The following ARMH4 variants were observed in gnomAD, a reference collection of about 807,000 sequenced individuals.
ARMH4 encodes armadillo like helical domain containing 4.
ARMH4 carries 49 observed loss-of-function variants against 61.9 expected under a neutral mutation model. That is an observed-to-expected ratio of 0.79 (90% CI 0.63 to 1.00). The LOEUF is 1.00. Ranked by LOEUF, ARMH4 falls within the 50% of genes least tolerant of loss-of-function variation. ARMH4 has a pLI of 0.00. For synonymous variants in ARMH4, 368 were observed against 341.5 expected, an observed-to-expected ratio of 1.08 and a Z score of -0.85; for missense variants, 934 against 930.0, an observed-to-expected ratio of 1.00 and a Z score of -0.06.
chr14:58,139,552 T>G (rs1477268774), intron 1 of ARMH4, 138 bp from the exon 2 acceptor site: 1 of 610,648 alleles, frequency 1.6e-6, no homozygotes, highest in East Asian at 2.8e-5. Context: ...ACTGTTCTAT[T>G]TCTTTGTACC....
At chr14:58,032,641 C>A (rs972520049) in intron 5 of ARMH4, among the ~76,000 whole-genome samples, 1 of 151,936 alleles carries the variant, frequency 6.6e-6, no homozygotes, top group Non-Finnish European at 1.5e-5. Flanking sequence ...TCTGAGGTAC[C>A]GGGTTCATCT....
chr14:58,011,005 A>C (rs78986974), intron 6 of ARMH4, among the ~76,000 whole-genome samples: 4,775 of 152,154 alleles, frequency 0.031, 94 homozygotes, highest in Middle Eastern at 0.075. Context: ...TCCAGTTCTA[A>C]ACTTTTGAGC....
At chr14:58,085,717 A>G (rs1345890749) in intron 5 of ARMH4, among the ~76,000 whole-genome samples, 2 of 152,190 alleles carry the variant, frequency 1.3e-5, no homozygotes, top group African/African-American at 2.4e-5. Flanking sequence ...TATTTCACAC[A>G]GATCGTAAGA....
chr14:58,045,037 T>C (rs1477619494), intron 5 of ARMH4, among the ~76,000 whole-genome samples: 1 of 152,302 alleles, frequency 6.6e-6, no homozygotes, highest in East Asian at 1.9e-4. Context: ...GTTCAACCAT[T>C]GTGGAAGACA....
At chr14:58,041,860 T>C (rs1036419233) in intron 5 of ARMH4, among the ~76,000 whole-genome samples, 2 of 152,068 alleles carry the variant, frequency 1.3e-5, no homozygotes, top group African/African-American at 4.8e-5. Context: ...GGCCATTACA[T>C]AATGGTAAAA....
At chr14:58,012,794 T>A (rs1464434428) in intron 5 of ARMH4, among the ~76,000 whole-genome samples, 1 of 152,232 alleles carries the variant, frequency 6.6e-6, no homozygotes, top group African/African-American at 2.4e-5. Context: ...AAAAGGCTGA[T>A]CAACTATGAA....
At chr14:58,043,089 C>T (rs1436410966) in intron 5 of ARMH4, among the ~76,000 whole-genome samples, 1 of 152,166 alleles carries the variant, frequency 6.6e-6, no homozygotes, top group Non-Finnish European at 1.5e-5. Flanking sequence ...AGGGAATCCT[C>T]CCTAACTCAT....
intron 5 of ARMH4, among the ~76,000 whole-genome samples, chr14:58,040,370 T>C (rs1240382642): frequency 1.3e-5 from 2 of 152,138 alleles, no homozygotes; most frequent in African/African-American, 4.8e-5. Context: ...TGTGTCCATG[T>C]GTTCTCATCA....
At chr14:58,065,493 C>T (rs1175249009) in intron 5 of ARMH4, among the ~76,000 whole-genome samples, 1 of 152,236 alleles carries the variant, frequency 6.6e-6, no homozygotes, top group South Asian at 2.1e-4. Flanking sequence ...AGCATACCCT[C>T]GACAGAGCTT....
intron 5 of ARMH4, among the ~76,000 whole-genome samples, chr14:58,040,403 G>A (rs1303578772): frequency 1.3e-5 from 2 of 152,174 alleles, no homozygotes; most frequent in Non-Finnish European, 2.9e-5. Context: ...TTATAAGTGA[G>A]AATATGCAGG....
rs141152358 is a variant in ARMH4, at chr14:58,005,082, C to T, written c.2222G>A (p.Arg741Gln). 340 of 1,614,022 alleles carry T rather than the reference C, an allele frequency of 2.1e-4. 4 individuals are homozygous for T. In the African/African-American group the frequency reaches 2.7e-3, roughly 13 times the overall value. The part of the protein sequence containing the change: ...ALYSIKVMNR[R>Q]RRNGFKRHKR... Reference sequence around the variant, plus strand: ...ATGCCTTTTGAAGCCATTTCTCCTTCGGCGATTCATAACCTTAATGCTGTA... The same window carrying T: ...ATGCCTTTTGAAGCCATTTCTCCTTTGGCGATTCATAACCTTAATGCTGTA... The change falls in exon 7 of 8, where the codon CGA (arginine) becomes CAA (glutamine). Residue 741 changes from arginine to glutamine, a missense_variant. Arg to Gln is a conservative substitution (Grantham distance 43, BLOSUM62 1). Transcript: ENST00000267485.
chr14:58,139,401 C>G lies in ARMH4; in HGVS notation c.-43G>C. On this transcript the variant is annotated 5_prime_UTR_variant, in exon 2 of 8. Coordinates refer to ENST00000267485, the MANE Select transcript of ARMH4 (RefSeq NM_001001872.4). ...ACGTACACTGGCAGAGTTGACAAGT[C>G]CAGTAATTGAATCCTGCAGAAAAAT... The G allele has an allele frequency of 6.3e-7, 1 of 1,576,790 alleles. No homozygotes were observed. The highest frequency in any genetic ancestry group is 8.7e-7 in the Non-Finnish European group (1 of 1,150,788).
intron 4 of ARMH4, among the ~76,000 whole-genome samples, chr14:58,123,100 G>T (rs1303383693): frequency 6.6e-6 from 1 of 152,152 alleles, no homozygotes; most frequent in Admixed American, 6.5e-5. Flanking sequence ...ACTTCTCCCA[G>T]CCACTAAGTT....
At chr14:58,074,227 T>C (rs973064644) in intron 5 of ARMH4, among the ~76,000 whole-genome samples, 3 of 152,192 alleles carry the variant, frequency 2.0e-5, no homozygotes, top group Non-Finnish European at 4.4e-5. Context: ...TCTCACAAGA[T>C]GATTTCACTG....
At chr14:58,050,885 G>T (rs1041063486) in intron 5 of ARMH4, among the ~76,000 whole-genome samples, 42 of 151,998 alleles carry the variant, frequency 2.8e-4, no homozygotes, top group African/African-American at 9.7e-4. Context: ...CAGATAGAGT[G>T]TCTGGCATTA....
rs1380412897 is a variant in ARMH4 at position 58,038,560 on chromosome 14, AATT to A, written c.2090-26413_2090-26411del. 1.9e-3 allele frequency among the ~76,000 whole-genome samples: 255 copies of A among 137,336 alleles called. 7 individuals carry two copies. The East Asian group carries it at 0.069, about 37-fold the overall frequency. The allele number at this position is 137,336 out of a possible 152,430, so 90.1% of individuals were successfully genotyped here. ...TAAAATTTAAAGTATAATAAAAAAA[AATT>A]AAAAAAAAAAAAAGAAATACTTAAA... is the stretch of plus-strand genomic sequence containing the variant. On this transcript the variant is annotated intron_variant, in intron 5 of 7. Transcript: ENST00000267485.
intron 1 of ARMH4, among the ~76,000 whole-genome samples, chr14:58,146,955 G>A (rs371484799): frequency 6.6e-6 from 1 of 152,188 alleles, no homozygotes; most frequent in African/African-American, 2.4e-5. Context: ...GCTGTAGAGT[G>A]TGCCAAGAAA....
At chr14:58,133,517 C>T (rs1388675960) in intron 2 of ARMH4, among the ~76,000 whole-genome samples, 176 bp from the exon 3 acceptor site, 8 of 152,106 alleles carry the variant, frequency 5.3e-5, no homozygotes, top group Non-Finnish European at 1.0e-4. Context: ...CTCTGTCACG[C>T]TTTCAGTAGT....
At chr14:58,058,658 C>T (rs1884426367) in intron 5 of ARMH4, among the ~76,000 whole-genome samples, 1 of 152,076 alleles carries the variant, frequency 6.6e-6, no homozygotes, top group Admixed American at 6.5e-5. Context: ...GTATAATGAG[C>T]AATGAGGACA....
Sources: gnomAD v4.1 joint callset for allele counts (sites outside exome capture counted in the v4.1 genomes callset) on GRCh38, gnomAD v4.1.1 for gene constraint, MANE v1.5 for transcripts, NCBI Gene and HGNC (gene_info 2026-07-23, HGNC 2026-07-21) for gene names.